The following JMJD4 variants were observed in gnomAD, a reference collection of about 807,000 sequenced individuals.
JMJD4 encodes jumonji domain containing 4.
JMJD4 carries 34 observed loss-of-function variants against 36.3 expected under a neutral mutation model. That is an observed-to-expected ratio of 0.94 (90% CI 0.71 to 1.25). JMJD4 has a LOEUF of 1.25. JMJD4 is among the 50% of genes most tolerant of loss of function. The probability of loss-of-function intolerance (pLI) is 0.00; values close to 1 mark genes in which losing one functional copy is unlikely to be tolerated. For missense variants in JMJD4, 584 were observed against 559.1 expected, an observed-to-expected ratio of 1.04 and a Z score of -0.45; for synonymous variants, 269 against 235.3, an observed-to-expected ratio of 1.14 and a Z score of -1.31.
chr1:227,732,235 G>T lies in JMJD4; in HGVS notation c.*157C>A. On this transcript the variant is annotated 3_prime_UTR_variant, in exon 6 of 6. Transcript: ENST00000620518. The stretch of plus-strand genomic sequence containing the variant: ...TCCCTGACCTCATTGGGCCTCACCT[G>T]AAAACAGGCACCCAGGCAGTGGCCA... 10 of 849,342 alleles carry T rather than the reference G, an allele frequency of 1.2e-5. No individual in the cohort carries two copies. The highest frequency in any genetic ancestry group is 1.9e-5 in the Non-Finnish European group (10 of 538,094). 52.6% of individuals were successfully genotyped at this position (849,342 alleles called of 1,614,324 possible).
chr1:227,735,197 G>C lies in JMJD4; in HGVS notation c.77C>G (p.Ala26Gly), dbSNP rs747554405. 4.4e-6 allele frequency: 7 copies of C among 1,582,548 alleles called. No individual in the cohort carries two copies. The Admixed American group carries it at 7.1e-5, about 16-fold the overall frequency. The part of the protein sequence containing the change: ...LGVDVPGVGQ[A>G]PGRVAFVSEP... ...CGAGACGAAGGCTACCCGGCCCGGA[G>C]CCTGGCCGACGCCGGGGACATCGAC... The change falls in exon 1 of 6, where the codon GCT (alanine) becomes GGT (glycine). Residue 26 changes from alanine (A) to glycine (G), a missense_variant. Transcript: ENST00000620518.
chr1:227,732,754 C>G (rs1358403982), intron 5 of JMJD4, 78 bp from the exon 6 acceptor site: 7 of 1,591,218 alleles, frequency 4.4e-6, no homozygotes, highest in Non-Finnish European at 6.0e-6. Context: ...TGCGCCCAGT[C>G]CCCAAGGACG....
In JMJD4 at chr1:227,732,597, A is replaced by G. The variant is rs1206601482; in HGVS notation, c.1049T>C (p.Leu350Pro). 1.2e-6 allele frequency: 2 copies of G among 1,613,412 alleles called. No homozygotes were observed. The part of the protein sequence containing the change: ...FLKVIAEKRL[L>P]VLREAAAEDG... ...CTCAGCGGCTGCCTCCCTCAGGACC[A>G]GGAGCCTCTTCTCAGCGATGACCTT... The change falls in exon 6 of 6, where the codon CTG (leucine) becomes CCG (proline). Residue 350 changes from leucine to proline, a missense_variant. Leu to Pro is a moderately conservative substitution (Grantham distance 98). Coordinates refer to ENST00000620518, the MANE Select transcript of JMJD4 (RefSeq NM_023007.3).
rs1431865007 is a variant in JMJD4, at chr1:227,732,631, G to A, written c.1015C>T (p.His339Tyr). The change falls in exon 6 of 6, where the codon CAC (histidine) becomes TAC (tyrosine). Residue 339 changes from histidine to tyrosine, a missense_variant. Coordinates refer to ENST00000620518, the MANE Select transcript of JMJD4 (RefSeq NM_023007.3). The stretch of plus-strand genomic sequence containing the variant: ...TTCTCAGCGATGACCTTGAGGAAGT[G>A]GTAAAACTCTTCAAAGTTGATGCCC... Reference protein sequence around the residue: ...CSGINFEEFYHFLKVIAEKRL... With the variant: ...CSGINFEEFYYFLKVIAEKRL... The A allele has an allele frequency of 6.2e-7, 1 of 1,613,470 alleles. No individual in the cohort carries two copies.
In JMJD4 at chr1:227,734,785, C is replaced by T; in HGVS notation, c.294G>A (p.Gly98=). 1.2e-6 allele frequency: 2 copies of T among 1,614,058 alleles called. No individual in the cohort carries two copies. The highest frequency in any genetic ancestry group is 2.7e-5 in the African/African-American group (2 of 75,048). The change falls in exon 2 of 6, where the codon GGG becomes GGA. Residue 98 remains glycine (G), a synonymous_variant. Transcript: ENST00000620518. ...TGGGGTTCGAGTTGTATTCCTGGAC[C>T]CCACAGTTTGCAACTGGTACAACCA... is the stretch of plus-strand genomic sequence containing the variant. ...GDVVVPVANC[G]VQEYNSNPKE... is the part of the protein sequence containing the mutation.
chr1:227,733,260 G>C, intron 4 of JMJD4, 154 bp downstream of exon 4: 5 of 921,550 alleles, frequency 5.4e-6, no homozygotes, highest in Non-Finnish European at 7.9e-6. Context: ...GTGAAACAGA[G>C]GCTAGGCCTC....
chr1:227,735,157 G>A lies in JMJD4; in HGVS notation c.117C>T (p.Phe39=), dbSNP rs1337369813. Residue 39 remains phenylalanine (F), a synonymous_variant, in exon 1 of 6, where the codon TTC becomes TTT. Coordinates refer to ENST00000620518, the MANE Select transcript of JMJD4 (RefSeq NM_023007.3). The stretch of plus-strand genomic sequence containing the variant: ...AGCCCCGCACAAAGTCGGCGTAGGA[G>A]AAGGCGCCCGGCTCCGAGACGAAGG... ...RVAFVSEPGA[F]SYADFVRGFL... is the part of the protein sequence containing the mutation. 4 of 1,580,988 alleles carry A rather than the reference G, an allele frequency of 2.5e-6. No homozygotes were observed. Among genetic ancestry groups the A allele is most frequent in the Non-Finnish European group, 3.4e-6 (4 of 1,164,336 alleles).
Position 227,734,722 on chromosome 1 carries a change from C to T in JMJD4, c.357G>A (p.Trp119Ter). 6.2e-7 allele frequency: 1 copy of T among 1,614,138 alleles called. No homozygotes were observed. Reference sequence around the variant, plus strand: ...AGTAGCCCGCCTGTATGTACTCTTTCCAGTAGGTGATGTAGTCTCTGAGAG... The same window carrying T: ...AGTAGCCCGCCTGTATGTACTCTTTTCAGTAGGTGATGTAGTCTCTGAGAG... ...HMTLRDYITYWKEYIQAGYSS... is the reference protein window; with the variant it reads ...HMTLRDYITY Residue 119 changes from tryptophan to a stop codon, truncating the protein, a stop_gained, in exon 2 of 6, where the codon TGG becomes TGA. Coordinates refer to ENST00000620518, the MANE Select transcript of JMJD4 (RefSeq NM_023007.3). LOFTEE classifies it high-confidence loss of function.
Position 227,732,950 on chromosome 1 carries a change from C to G in JMJD4, c.900G>C (p.Glu300Asp), listed in dbSNP as rs1306267156. The G allele has an allele frequency of 6.2e-7, 1 of 1,613,290 alleles. No homozygotes were observed. The highest frequency in any genetic ancestry group is 8.5e-7 in the Non-Finnish European group (1 of 1,180,030). ...TGACCTCCTCCTGCACGGCGCATAG[C>G]TCCTGCTGCAAGAAGCGCCACATGT... The part of the protein sequence containing the change: ...LANMWRFLQQ[E>D]LCAVQEEVSE... The change falls in exon 5 of 6, where the codon GAG (glutamate) becomes GAC (aspartate). Residue 300 changes from glutamate to aspartate, a missense_variant. By Grantham distance (45) the Glu-to-Asp change is conservative. Coordinates refer to ENST00000620518, the MANE Select transcript of JMJD4 (RefSeq NM_023007.3).
rs932723657 is a variant in JMJD4 at position 227,732,140 on chromosome 1, A to G, written c.*252T>C. 5.2e-6 allele frequency: 3 copies of G among 571,882 alleles called. No individual in the cohort carries two copies. The highest frequency in any genetic ancestry group is 6.2e-6 in the Non-Finnish European group (2 of 320,176). The allele number at this position is 571,882 out of a possible 1,614,324, so 35.4% of individuals were successfully genotyped here. On this transcript the variant is annotated 3_prime_UTR_variant, in exon 6 of 6. Transcript: ENST00000620518. ...AGGAGGCAGGGCCCCCAAAAGAGCC[A>G]GGTCCTGGCACCATCTCCGAGCTCC...
rs569197195 is a variant in JMJD4, at chr1:227,731,198, G to A, written c.*1194C>T. On this transcript the variant is annotated 3_prime_UTR_variant, in exon 6 of 6. Transcript: ENST00000620518. Reference sequence around the variant, plus strand: ...CAGGTCCCTGGAAAGCTGTTGGCTGGAGCGCATTCATTCGACAGACACATA... The same window carrying A: ...CAGGTCCCTGGAAAGCTGTTGGCTGAAGCGCATTCATTCGACAGACACATA... The A allele has an allele frequency of 3.3e-5, 5 of 152,500 alleles. No homozygotes were observed. Among genetic ancestry groups the A allele is most frequent in the Admixed American group, 3.3e-4 (5 of 15,306 alleles). 9.4% of individuals were successfully genotyped at this position (152,500 alleles called of 1,614,324 possible). A position where few individuals can be genotyped will look rare whatever the true frequency, so the allele number is the denominator to read the frequency against.
At chr1:227,734,287 G>A (rs1660899337) in intron 2 of JMJD4, 1 of 474,342 alleles carries the variant, frequency 2.1e-6, no homozygotes, top group Admixed American at 3.9e-5. Context: ...ATGCTGAGGT[G>A]GATGCATCAC....
At position 227,732,688 on chromosome 1, in the gene JMJD4, G is replaced by C; in HGVS notation, c.970-12C>G. 1 of 1,611,102 alleles carries C rather than the reference G, an allele frequency of 6.2e-7. No individual in the cohort carries two copies. The highest frequency in any genetic ancestry group is 8.5e-7 in the Non-Finnish European group (1 of 1,179,668). The stretch of plus-strand genomic sequence containing the variant: ...GACCTCATGATGACCTGGGCAGAGG[G>C]AAGAGGCCAGTGAGCTAACACCATG... On this transcript the variant is annotated splice_polypyrimidine_tract_variant and intron_variant, in intron 5 of 5. Transcript: ENST00000620518.
At chr1:227,733,213 T>A in intron 4 of JMJD4, 186 bp from the exon 5 acceptor site, 1 of 854,538 alleles carries the variant, frequency 1.2e-6, no homozygotes, top group Non-Finnish European at 1.8e-6. Flanking sequence ...CAGGCCACAG[T>A]GAACCCAGAG....
intron 2 of JMJD4, chr1:227,734,352 TAAAAAAAAAAAAA>T (rs56684758): frequency 1.2e-4 from 9 of 77,610 alleles, no homozygotes; most frequent in Non-Finnish European, 1.3e-4. Flanking sequence ...CTAGTCTCTT[TAAAAAAAAAAAAA>T]AAAAAAAAAA....
rs760582646 is a variant in JMJD4, at chr1:227,735,215, A to G, written c.59T>C (p.Val20Ala). 1.9e-6 allele frequency: 3 copies of G among 1,589,542 alleles called. No homozygotes were observed. The highest frequency in any genetic ancestry group is 2.6e-6 in the Non-Finnish European group (3 of 1,168,878). ...DSHFRGLGVDVPGVGQAPGRV... is the reference protein window; with the variant it reads ...DSHFRGLGVDAPGVGQAPGRV... ...GCCCGGAGCCTGGCCGACGCCGGGG[A>G]CATCGACCCCCAGGCCTCGGAAGTG... Residue 20 changes from valine to alanine, a missense_variant, in exon 1 of 6, where the codon GTC becomes GCC. Coordinates refer to ENST00000620518, the MANE Select transcript of JMJD4 (RefSeq NM_023007.3).
In JMJD4 at chr1:227,731,204, A is replaced by G. The variant is rs1660621110; in HGVS notation, c.*1188T>C. 6.6e-6 allele frequency: 1 copy of G among 152,384 alleles called. No individual in the cohort carries two copies. Among genetic ancestry groups the G allele is most frequent in the Non-Finnish European group, 1.5e-5 (1 of 68,156 alleles). 9.4% of individuals were successfully genotyped at this position (152,384 alleles called of 1,614,324 possible). ...CCTGGAAAGCTGTTGGCTGGAGCGC[A>G]TTCATTCGACAGACACATATGAAGC... On this transcript the variant is annotated 3_prime_UTR_variant, in exon 6 of 6. Coordinates refer to ENST00000620518, the MANE Select transcript of JMJD4 (RefSeq NM_023007.3).
chr1:227,733,985 G>C lies in JMJD4; in HGVS notation c.476C>G (p.Ser159Cys). 1 of 1,613,924 alleles carries C rather than the reference G, an allele frequency of 6.2e-7. No individual in the cohort carries two copies. Among genetic ancestry groups the C allele is most frequent in the South Asian group, 1.1e-5 (1 of 91,082 alleles). Reference protein sequence around the residue: ...DVFTLPVYFSSDWLNEFWDAL... With the variant: ...DVFTLPVYFSCDWLNEFWDAL... The stretch of plus-strand genomic sequence containing the variant: ...ATCCCAGAACTCATTCAGCCAGTCG[G>C]ACGAGAAGTACACAGGCAGGGTGAA... The change falls in exon 3 of 6, where the codon TCC becomes TGC. Residue 159 changes from serine to cysteine, a missense_variant. Transcript: ENST00000620518.
At chr1:227,733,295 C>T in intron 4 of JMJD4, 119 bp downstream of exon 4, 1 of 1,108,820 alleles carries the variant, frequency 9.0e-7, no homozygotes, top group Non-Finnish European at 1.3e-6. Context: ...GTGAAGGGGT[C>T]AGCCTCACCC....
Sources: allele counts gnomAD v4.1 joint callset, GRCh38; gene constraint gnomAD v4.1.1; transcripts MANE v1.5; gene names NCBI Gene and HGNC (gene_info 2026-07-23, HGNC 2026-07-21).